MYRIP: variants seen among roughly 807,000 people sequenced by gnomAD.
MYRIP encodes the protein myosin VIIA and Rab interacting protein.
A neutral mutation model predicts 98.0 loss-of-function variants in MYRIP; 49 were observed. The observed-to-expected ratio is 0.50, with a 90% confidence interval of 0.40 to 0.63. MYRIP has a LOEUF of 0.63. MYRIP is among the 30% of genes least tolerant of loss of function. MYRIP has a pLI of 0.00. For synonymous variants in MYRIP, 404 were observed against 409.5 expected, an observed-to-expected ratio of 0.99 and a Z score of 0.16; for missense variants, 1,004 against 1,058.2, an observed-to-expected ratio of 0.95 and a Z score of 0.71.
intron 3 of MYRIP, among the ~76,000 whole-genome samples, chr3:40,137,720 T>C (rs1204789812): frequency 6.6e-6 from 1 of 152,160 alleles, no homozygotes; most frequent in Non-Finnish European, 1.5e-5. Flanking sequence ...TTGCCCATTT[T>C]GTCCACTCCT....
At chr3:40,156,476 G>T (rs1003072524) in intron 4 of MYRIP, among the ~76,000 whole-genome samples, 1 of 152,114 alleles carries the variant, frequency 6.6e-6, no homozygotes, top group Non-Finnish European at 1.5e-5. Context: ...GGCGATGTGG[G>T]CTCTTTTTTG....
intron 3 of MYRIP, among the ~76,000 whole-genome samples, chr3:40,114,433 A>G (rs986199184): frequency 1.3e-5 from 2 of 152,228 alleles, no homozygotes; most frequent in African/African-American, 2.4e-5. Flanking sequence ...CTTGTAATGT[A>G]TCTTCATCAT....
At chr3:39,858,604 A>G (rs1942373212) in intron 1 of MYRIP, among the ~76,000 whole-genome samples, 1 of 137,992 alleles carries the variant, frequency 7.2e-6, no homozygotes, top group South Asian at 2.1e-4. Context: ...TTCCAAGGGC[A>G]CACAAAACAT....
chr3:39,860,747 G>A (rs577747234), intron 1 of MYRIP, among the ~76,000 whole-genome samples: 3 of 152,314 alleles, frequency 2.0e-5, no homozygotes, highest in Admixed American at 6.5e-5. Flanking sequence ...TGCATTGCTA[G>A]TATACACTTG....
At chr3:39,813,875 T>G (rs1349241619) in intron 1 of MYRIP, among the ~76,000 whole-genome samples, 2 of 151,792 alleles carry the variant, frequency 1.3e-5, no homozygotes, top group Non-Finnish European at 2.9e-5. Context: ...TAAAACAACA[T>G]GTTATGGACA....
At chr3:39,916,171 C>T (rs1208769297) in intron 2 of MYRIP, among the ~76,000 whole-genome samples, 2 of 151,904 alleles carry the variant, frequency 1.3e-5, no homozygotes. Flanking sequence ...TAATATATAT[C>T]ACTCATCTAT....
chr3:39,851,468 T>C (rs547242220), intron 1 of MYRIP, among the ~76,000 whole-genome samples: 4,818 of 152,220 alleles, frequency 0.032, 250 homozygotes, highest in African/African-American at 0.11. Flanking sequence ...GCCACTTTTT[T>C]CCTCAGGGTG....
At chr3:39,893,888 A>G (rs1430964453) in intron 1 of MYRIP, among the ~76,000 whole-genome samples, 1 of 152,184 alleles carries the variant, frequency 6.6e-6, no homozygotes, top group Non-Finnish European at 1.5e-5. Flanking sequence ...TCAATGTTTT[A>G]TTATTAGATA....
At chr3:40,059,498 T>C (rs4676461) in intron 3 of MYRIP, among the ~76,000 whole-genome samples, 44,201 of 152,044 alleles carry the variant, frequency 0.29, 6,508 homozygotes, top group East Asian at 0.36. Flanking sequence ...GATGGTATCT[T>C]GTTGTGGTTT....
intron 2 of MYRIP, among the ~76,000 whole-genome samples, chr3:39,956,428 A>G (rs1559536024): frequency 6.6e-6 from 1 of 152,192 alleles, no homozygotes; most frequent in Non-Finnish European, 1.5e-5. Context: ...CTGAATGACT[A>G]ATGGGTACAT....
At chr3:40,074,248 G>T (rs1245988925) in intron 3 of MYRIP, among the ~76,000 whole-genome samples, 1 of 151,856 alleles carries the variant, frequency 6.6e-6, no homozygotes, top group East Asian at 1.9e-4. Context: ...CTAATTTTTT[G>T]TGTTTTTAGT....
chr3:40,119,293 C>A (rs1282166496), intron 3 of MYRIP, among the ~76,000 whole-genome samples: 2 of 152,112 alleles, frequency 1.3e-5, no homozygotes, highest in Non-Finnish European at 2.9e-5. Context: ...GAGATGGTAT[C>A]TCATTGTGGT....
intron 1 of MYRIP, among the ~76,000 whole-genome samples, chr3:39,811,616 T>C (rs2125560903): frequency 6.6e-6 from 1 of 152,162 alleles, no homozygotes; most frequent in South Asian, 2.1e-4. Context: ...GAGCTGTCTC[T>C]GTGGGCCAGA....
chr3:40,240,842 G>A (rs1484731074), intron 12 of MYRIP, among the ~76,000 whole-genome samples: 1 of 152,178 alleles, frequency 6.6e-6, no homozygotes, highest in Non-Finnish European at 1.5e-5. Flanking sequence ...CTGGCTGGAA[G>A]AGGAGAGTTT....
chr3:39,952,700 G>C (rs1461948581), intron 2 of MYRIP, among the ~76,000 whole-genome samples: 1 of 152,122 alleles, frequency 6.6e-6, no homozygotes, highest in Non-Finnish European at 1.5e-5. Flanking sequence ...TCCTCAATGA[G>C]GTTGTGAAGG....
chr3:39,852,780 G>A (rs1426570095), intron 1 of MYRIP, among the ~76,000 whole-genome samples: 1 of 145,752 alleles, frequency 6.9e-6, no homozygotes, highest in African/African-American at 2.6e-5. Flanking sequence ...CTTCTCTTCT[G>A]TTCTCCTCTT....
intron 2 of MYRIP, among the ~76,000 whole-genome samples, chr3:40,008,432 T>C (rs1312567436): frequency 6.6e-6 from 1 of 152,182 alleles, no homozygotes; most frequent in Admixed American, 6.5e-5. Context: ...TTTTCCAAAA[T>C]GGTATTTTCT....
chr3:39,831,418 A>C (rs1170127710), intron 1 of MYRIP, among the ~76,000 whole-genome samples: 1 of 152,204 alleles, frequency 6.6e-6, no homozygotes, highest in Admixed American at 6.5e-5. Flanking sequence ...CTGTTCCGTT[A>C]GCATTTTTTG....
intron 10 of MYRIP, among the ~76,000 whole-genome samples, chr3:40,197,191 A>G (rs1951414523): frequency 6.6e-6 from 1 of 152,148 alleles, no homozygotes; most frequent in South Asian, 2.1e-4. Flanking sequence ...TCTCATAACG[A>G]GTGCACAAGT....
Sources: gnomAD v4.1 joint callset for allele counts (sites outside exome capture counted in the v4.1 genomes callset) on GRCh38, gnomAD v4.1.1 for gene constraint, MANE v1.5 for transcripts, NCBI Gene and HGNC (gene_info 2026-07-23, HGNC 2026-07-21) for gene names.